Variants in UBTD2 observed in about 807,000 individuals in gnomAD.
The protein encoded by UBTD2 is ubiquitin domain-containing protein 2.
A neutral mutation model predicts 19.8 loss-of-function variants in UBTD2; 9 were observed. The ratio of observed to expected loss-of-function variants is 0.46; its 90% CI spans 0.27 to 0.79. The LOEUF is 0.79. Ranked by LOEUF, UBTD2 falls within the 30% of genes least tolerant of loss-of-function variation. UBTD2 has a pLI of 0.14. For synonymous variants in UBTD2, 98 were observed against 103.9 expected (o/e 0.94, Z 0.35); for missense variants, 250 against 300.4 (o/e 0.83, Z 1.24).
chr5:172,269,277 G>C (rs1755436086), intron 1 of UBTD2, among the ~76,000 whole-genome samples: 1 of 151,664 alleles, frequency 6.6e-6, no homozygotes, highest in South Asian at 2.1e-4. Context: ...ATCATTTAAG[G>C]TTAGGAGTTG....
intron 1 of UBTD2, among the ~76,000 whole-genome samples, chr5:172,259,096 C>T (rs1487875406): frequency 2.0e-5 from 3 of 152,016 alleles, no homozygotes; most frequent in Non-Finnish European, 4.4e-5. Flanking sequence ...ATAGACGGCT[C>T]TTATGATTTT....
At chr5:172,247,948 A>G (rs1224039372) in intron 1 of UBTD2, among the ~76,000 whole-genome samples, 2 of 152,208 alleles carry the variant, frequency 1.3e-5, no homozygotes, top group African/African-American at 4.8e-5. Context: ...AGTCTCAATA[A>G]ACTTTAAAAG....
chr5:172,225,916 G>T (rs4868151), intron 2 of UBTD2, among the ~76,000 whole-genome samples: 58,819 of 146,910 alleles, frequency 0.4, 12,034 homozygotes, highest in South Asian at 0.55. Context: ...TCTTTTCTGA[G>T]TCAGAAGGCT....
chr5:172,255,624 G>C (rs1354739469), intron 1 of UBTD2, among the ~76,000 whole-genome samples: 3 of 152,090 alleles, frequency 2.0e-5, no homozygotes, highest in Non-Finnish European at 1.5e-5. Flanking sequence ...CTCTCCCTGC[G>C]TTCCGGCTGG....
chr5:172,211,618 T>C lies in UBTD2; in HGVS notation c.*212A>G, dbSNP rs1771448430. ...CTGCCTTTCAAATTAGAAATTGTAA[T>C]TACATGAGTCTCAAAGCCTGGCTCT... is the stretch of plus-strand genomic sequence containing the variant. On this transcript the variant is annotated 3_prime_UTR_variant, in exon 3 of 3. Transcript: ENST00000393792. 1 of 475,732 alleles carries C rather than the reference T, an allele frequency of 2.1e-6. No individual in the cohort carries two copies. The highest frequency in any genetic ancestry group is 3.6e-6 in the Non-Finnish European group (1 of 277,786). The allele number at this position is 475,732 out of a possible 1,614,324, so 29.5% of individuals were successfully genotyped here. A position where few individuals can be genotyped will look rare whatever the true frequency, so the allele number is the denominator to read the frequency against.
intron 1 of UBTD2, among the ~76,000 whole-genome samples, chr5:172,237,268 ATTT>A (rs879899151): frequency 2.0e-5 from 3 of 151,918 alleles, no homozygotes; most frequent in Non-Finnish European, 4.4e-5. Context: ...TAATTTTTGT[ATTT>A]TTAGTAGAGA....
In UBTD2 at chr5:172,283,513, C is replaced by T; in HGVS notation, c.70+83G>A. On this transcript the variant is annotated intron_variant, in intron 1 of 2. Transcript: ENST00000393792. This position sits in a 1 kb window ranked among gnomAD's most constrained non-coding sequence, Gnocchi z 4.3. Reference sequence around the variant, plus strand: ...ATGACAAAGGGGCGCGGGGGCCCGGCGCGGCCCGCGGGGGTCGGGACAGGT... The same window carrying T: ...ATGACAAAGGGGCGCGGGGGCCCGGTGCGGCCCGCGGGGGTCGGGACAGGT... The T allele has an allele frequency of 9.0e-7, 1 of 1,113,908 alleles. No homozygotes were observed. The allele number at this position is 1,113,908 out of a possible 1,614,324, so 69.0% of individuals were successfully genotyped here. A position where few individuals can be genotyped will look rare whatever the true frequency, so the allele number is the denominator to read the frequency against.
At chr5:172,249,861 C>T (rs1754957858) in intron 1 of UBTD2, among the ~76,000 whole-genome samples, 1 of 152,150 alleles carries the variant, frequency 6.6e-6, no homozygotes, top group South Asian at 2.1e-4. Context: ...AGACAAAATG[C>T]TTTTTCATAA....
intron 2 of UBTD2, among the ~76,000 whole-genome samples, chr5:172,222,112 AT>A (rs756817569): frequency 6.6e-5 from 10 of 152,240 alleles, no homozygotes; most frequent in East Asian, 3.8e-4. Context: ...CCTGAATTAA[AT>A]ATCTGGGATC....
At chr5:172,216,998 G>C (rs548938601) in intron 2 of UBTD2, among the ~76,000 whole-genome samples, 1 of 151,936 alleles carries the variant, frequency 6.6e-6, no homozygotes, top group Non-Finnish European at 1.5e-5. Context: ...AACAAAGACA[G>C]AATTACATAT....
intron 1 of UBTD2, among the ~76,000 whole-genome samples, chr5:172,279,093 T>A (rs1351372456): frequency 1.3e-5 from 2 of 152,116 alleles, no homozygotes. Flanking sequence ...TGTCACAATT[T>A]AAAAAAAGTA....
intron 1 of UBTD2, among the ~76,000 whole-genome samples, chr5:172,245,370 G>GTT (rs1394195783): frequency 6.6e-6 from 1 of 152,146 alleles, no homozygotes; most frequent in African/African-American, 2.4e-5. Flanking sequence ...AAAATTCTGT[G>GTT]TTTGAACTGA....
intron 1 of UBTD2, among the ~76,000 whole-genome samples, chr5:172,259,934 T>A (rs991628329): frequency 6.6e-6 from 1 of 151,946 alleles, no homozygotes; most frequent in Non-Finnish European, 1.5e-5. Context: ...GCACCTGTAA[T>A]CCCAGCTACT....
At position 172,246,751 on chromosome 5, in the gene UBTD2, C is replaced by CTTTT. The variant is rs70982379; in HGVS notation, c.71-12397_71-12394dup. Among the ~76,000 whole-genome samples, 117 of 62,492 alleles carry CTTTT rather than the reference C, an allele frequency of 1.9e-3. 19 individuals are homozygous for CTTTT. Among genetic ancestry groups the CTTTT allele is most frequent in the Admixed American group, 2.5e-3 (11 of 4,326 alleles). The allele number at this position is 62,492 out of a possible 152,430, so 41.0% of individuals were successfully genotyped here. On this transcript the variant is annotated intron_variant, in intron 1 of 2. Coordinates refer to ENST00000393792, the MANE Select transcript of UBTD2 (RefSeq NM_152277.3). ...GAGCCACCACGCCCAGCCGAGATTG[C>CTTTT]TTTTTTTTTTTTTTTTTTTTTTTTT...
chr5:172,261,497 G>A (rs1340762929), intron 1 of UBTD2, among the ~76,000 whole-genome samples: 1 of 152,212 alleles, frequency 6.6e-6, no homozygotes, highest in Non-Finnish European at 1.5e-5. Context: ...GGGATAGAAG[G>A]CAAAGGTAAT....
intron 1 of UBTD2, among the ~76,000 whole-genome samples, chr5:172,281,882 C>G (rs6888160): frequency 6.6e-6 from 1 of 151,890 alleles, no homozygotes; most frequent in Non-Finnish European, 1.5e-5. Flanking sequence ...GCAGAGCTTA[C>G]GGTCCAGAGA....
chr5:172,280,086 G>T (rs973489731), intron 1 of UBTD2, among the ~76,000 whole-genome samples: 1 of 151,260 alleles, frequency 6.6e-6, no homozygotes, highest in Non-Finnish European at 1.5e-5. Flanking sequence ...TGGGCAACAA[G>T]AGTGAAACGA....
intron 1 of UBTD2, among the ~76,000 whole-genome samples, chr5:172,253,286 G>T (rs2113072438): frequency 6.6e-6 from 1 of 152,220 alleles, no homozygotes; most frequent in South Asian, 2.1e-4. Flanking sequence ...TTCAGAAAGA[G>T]AAAGAAATAC....
intron 1 of UBTD2, among the ~76,000 whole-genome samples, chr5:172,257,415 T>A (rs1183754895): frequency 1.7e-4 from 26 of 152,254 alleles, no homozygotes. Context: ...ATTCCATGTC[T>A]TTGCTATTGG....
Sources: allele counts gnomAD v4.1 joint callset (sites outside exome capture counted in the v4.1 genomes callset), GRCh38; gene constraint gnomAD v4.1.1; non-coding constraint Gnocchi (gnomAD v3.1); transcripts MANE v1.5; gene names NCBI Gene and HGNC (gene_info 2026-07-23, HGNC 2026-07-21).